Variants in ZNF609 observed in about 807,000 individuals in gnomAD.
The protein encoded by ZNF609 is zinc finger protein 609.
A neutral mutation model predicts 109.5 loss-of-function variants in ZNF609; 11 were observed. The ratio of observed to expected loss-of-function variants is 0.10; its 90% confidence interval spans 0.06 to 0.17. The LOEUF (loss-of-function observed/expected upper bound fraction) is 0.17, where lower values mean the gene tolerates loss of function less well. Among genes scored for constraint, ZNF609 ranks in the 10% least tolerant of loss-of-function variants. ZNF609 has a pLI of 1.00. For synonymous variants in ZNF609, 646 were observed against 662.0 expected, an observed-to-expected ratio of 0.98 and a Z score of 0.37; for missense variants, 1,559 against 1,772.4, an observed-to-expected ratio of 0.88 and a Z score of 2.16.
chr15:64,680,524 T>C, intron 7 of ZNF609, 122 bp from the exon 8 acceptor site: 15 of 1,281,580 alleles, frequency 1.2e-5, no homozygotes, highest in Non-Finnish European at 1.5e-5. Context: ...TATCTTGCAC[T>C]TTTAGGGGTC....
intron 1 of ZNF609, among the ~76,000 whole-genome samples, chr15:64,461,995 G>A (rs1027888976): frequency 2.6e-5 from 4 of 152,140 alleles, no homozygotes; most frequent in African/African-American, 4.8e-5. Context: ...CTACCCCAGG[G>A]CTGAGAACTG....
intron 1 of ZNF609, among the ~76,000 whole-genome samples, chr15:64,478,196 G>GTGTC (rs1415763156): frequency 1.4e-5 from 2 of 143,640 alleles, no homozygotes; most frequent in Non-Finnish European, 3.0e-5. Flanking sequence ...GTGTGTGTGT[G>GTGTC]TCTGTTTAAA....
At position 64,536,727 on chromosome 15, in the gene ZNF609, C is replaced by G. The variant is rs1894151866; in HGVS notation, c.747+36561C>G. Among the ~76,000 whole-genome samples the G allele has an allele frequency of 2.0e-5, 3 of 147,394 alleles. No homozygotes were observed. The South Asian group carries it at 6.7e-4, about 33-fold the overall frequency. ...CCTCGTCTCTACTAAAATTCCACCC[C>G]CCCCCCCAAAAAAAAAATTAGCTGG... On this transcript the variant is annotated intron_variant, in intron 2 of 9. Coordinates refer to ENST00000326648, the MANE Select transcript of ZNF609 (RefSeq NM_015042.2).
At chr15:64,483,859 A>C (rs1053850136) in intron 1 of ZNF609, among the ~76,000 whole-genome samples, 4 of 152,208 alleles carry the variant, frequency 2.6e-5, no homozygotes, top group Non-Finnish European at 5.9e-5. Flanking sequence ...CACAGATGAA[A>C]TAACTGAGGC....
chr15:64,509,765 T>C (rs534824766), intron 2 of ZNF609, among the ~76,000 whole-genome samples: 1 of 152,358 alleles, frequency 6.6e-6, no homozygotes, highest in South Asian at 2.1e-4. Flanking sequence ...ACCAACTTCT[T>C]CTGAATTATT....
intron 2 of ZNF609, among the ~76,000 whole-genome samples, chr15:64,582,691 C>A (rs1490661615): frequency 9.3e-5 from 14 of 150,622 alleles, no homozygotes; most frequent in Non-Finnish European, 3.0e-5. Context: ...ATTTCCCTAT[C>A]CATTCACTCT....
chr15:64,469,061 A>AAG (rs1364089945), intron 1 of ZNF609, among the ~76,000 whole-genome samples: 9 of 47,950 alleles, frequency 1.9e-4, no homozygotes, highest in Non-Finnish European at 4.0e-4. Context: ...AAAAAACAAC[A>AAG]CAATTCAGCC....
chr15:64,574,171 ATTTTTTTTTT>A (rs71133443), intron 2 of ZNF609, among the ~76,000 whole-genome samples: 26 of 91,076 alleles, frequency 2.9e-4, no homozygotes, highest in African/African-American at 1.1e-3. Flanking sequence ...TTCATGCTGG[ATTTTTTTTTT>A]TTTTTTTTTT....
chr15:64,487,276 T>G (rs1424718668), intron 1 of ZNF609, among the ~76,000 whole-genome samples: 2 of 152,204 alleles, frequency 1.3e-5, no homozygotes, highest in Non-Finnish European at 2.9e-5. Flanking sequence ...TAGCCTAATC[T>G]GTGGTGATTA....
At chr15:64,532,124 C>T (rs546442523) in intron 2 of ZNF609, among the ~76,000 whole-genome samples, 23 of 152,214 alleles carry the variant, frequency 1.5e-4, no homozygotes, top group South Asian at 6.2e-4. Flanking sequence ...TCTCTTACAT[C>T]GAAGGTTCTG....
chr15:64,509,055 T>C (rs947220121), intron 2 of ZNF609, among the ~76,000 whole-genome samples: 4 of 152,228 alleles, frequency 2.6e-5, no homozygotes, highest in African/African-American at 9.6e-5. Flanking sequence ...ACACTAAAGT[T>C]TGATATCTAC....
At chr15:64,486,691 A>G (rs73452255) in intron 1 of ZNF609, among the ~76,000 whole-genome samples, 11 of 151,998 alleles carry the variant, frequency 7.2e-5, no homozygotes, top group South Asian at 4.2e-4. Flanking sequence ...TCTCAGGTCA[A>G]TGTAGCCTCT....
chr15:64,674,256 A>G lies in ZNF609; in HGVS notation c.1402A>G (p.Met468Val), dbSNP rs377329488. Reference sequence around the variant, plus strand: ...GAGCAAGCGTGTCCGTACTAATTCCATGGGCTCAGCCACTGGCCCCCTTCC... The same window carrying G: ...GAGCAAGCGTGTCCGTACTAATTCCGTGGGCTCAGCCACTGGCCCCCTTCC... Reference protein sequence around the residue: ...KGSKRVRTNSMGSATGPLPGT... With the variant: ...KGSKRVRTNSVGSATGPLPGT... The change falls in exon 5 of 10, where the codon ATG (methionine) becomes GTG (valine). Residue 468 changes from methionine (M) to valine (V), a missense_variant. Transcript: ENST00000326648. The G allele has an allele frequency of 4.3e-6, 7 of 1,614,030 alleles. No homozygotes were observed. The South Asian group carries it at 5.5e-5, about 13-fold the overall frequency.
chr15:64,624,123 G>C (rs1895917996), intron 3 of ZNF609, among the ~76,000 whole-genome samples: 1 of 152,198 alleles, frequency 6.6e-6, no homozygotes, highest in Admixed American at 6.6e-5. Context: ...GTGCTGATGT[G>C]TTACAGGTTA....
chr15:64,658,655 G>T (rs1896526972), intron 3 of ZNF609, among the ~76,000 whole-genome samples: 1 of 151,320 alleles, frequency 6.6e-6, no homozygotes, highest in African/African-American at 2.4e-5. Flanking sequence ...GTATATGTTG[G>T]GTGTGGTGGT....
intron 2 of ZNF609, among the ~76,000 whole-genome samples, chr15:64,587,144 ATAAT>A (rs1175001582): frequency 2.0e-5 from 3 of 152,226 alleles, no homozygotes; most frequent in Non-Finnish European, 2.9e-5. Context: ...GAAAACTAAA[ATAAT>A]TAGTTTATCT....
intron 2 of ZNF609, among the ~76,000 whole-genome samples, chr15:64,561,198 G>C (rs1894674357): frequency 6.6e-6 from 1 of 152,002 alleles, no homozygotes; most frequent in East Asian, 1.9e-4. Context: ...ATCTAACGTG[G>C]TACCCTCAGT....
intron 2 of ZNF609, among the ~76,000 whole-genome samples, chr15:64,503,401 C>T (rs941462670): frequency 9.2e-5 from 14 of 152,156 alleles, no homozygotes; most frequent in Non-Finnish European, 1.3e-4. Flanking sequence ...GTTCCCTTGC[C>T]TTTAGTTTGA....
At chr15:64,525,626 G>T (rs1172770211) in intron 2 of ZNF609, among the ~76,000 whole-genome samples, 1 of 152,096 alleles carries the variant, frequency 6.6e-6, no homozygotes, top group Non-Finnish European at 1.5e-5. Flanking sequence ...GGATTTTGAT[G>T]GAGATTGTAT....
Sources: allele counts gnomAD v4.1 joint callset (sites outside exome capture counted in the v4.1 genomes callset), GRCh38; gene constraint gnomAD v4.1.1; transcripts MANE v1.5; gene names NCBI Gene and HGNC (gene_info 2026-07-23, HGNC 2026-07-21).